Variants in OCA2 observed in about 807,000 individuals in gnomAD.
The protein encoded by OCA2 is OCA2 melanosomal transmembrane protein, also known as P protein.
OCA2 carries 77 observed loss-of-function variants against 100.2 expected under a neutral mutation model. The ratio of observed to expected loss-of-function variants is 0.77; its 90% CI spans 0.64 to 0.93. The LOEUF is 0.93. OCA2 is among the 40% of genes least tolerant of loss of function. OCA2 has a pLI of 0.00. For missense variants in OCA2, 1,062 were observed against 1,089.1 expected (o/e 0.98, Z 0.35); for synonymous variants, 432 against 439.2 (o/e 0.98, Z 0.21).
chr15:27,842,822 A>ACACG (rs141673842), intron 23 of OCA2, among the ~76,000 whole-genome samples: 2 of 152,178 alleles, frequency 1.3e-5, no homozygotes, highest in African/African-American at 4.8e-5. Context: ...GTAACTGCAC[A>ACACG]CACGCACACA....
chr15:27,787,332 T>C (rs2032860839), intron 23 of OCA2, among the ~76,000 whole-genome samples: 1 of 152,142 alleles, frequency 6.6e-6, no homozygotes. Context: ...TATATTTTTC[T>C]AAATTTCAAT....
chr15:27,760,391 C>T (rs2030738835), intron 23 of OCA2, among the ~76,000 whole-genome samples: 1 of 151,362 alleles, frequency 6.6e-6, no homozygotes, highest in Non-Finnish European at 1.5e-5. Flanking sequence ...TTTAAGTTCC[C>T]ATCTTAAGGA....
chr15:28,083,325 C>G (rs972528410), intron 1 of OCA2, among the ~76,000 whole-genome samples: 1 of 152,194 alleles, frequency 6.6e-6, no homozygotes, highest in Non-Finnish European at 1.5e-5. Flanking sequence ...ACATGACATT[C>G]GAAGAAACCT....
chr15:27,770,982 T>TC (rs201069391), intron 23 of OCA2, among the ~76,000 whole-genome samples: 15 of 56,998 alleles, frequency 2.6e-4, no homozygotes, highest in Non-Finnish European at 6.2e-4. Flanking sequence ...TTCCTTTCCT[T>TC]CTTTCTTCCT....
intron 2 of OCA2, among the ~76,000 whole-genome samples, chr15:28,055,389 G>A (rs1242381608): frequency 6.6e-6 from 1 of 152,174 alleles, no homozygotes; most frequent in Non-Finnish European, 1.5e-5. Flanking sequence ...AAGTTGTAAA[G>A]CAATTGCACT....
intron 18 of OCA2, among the ~76,000 whole-genome samples, chr15:27,950,769 T>C (rs145611368): frequency 3.0e-4 from 46 of 152,308 alleles, no homozygotes; most frequent in African/African-American, 1.1e-3. Flanking sequence ...GAAGCAATGA[T>C]GTGGTGCGAA....
chr15:27,900,351 CCT>C (rs1415097426), intron 19 of OCA2, among the ~76,000 whole-genome samples: 7 of 152,144 alleles, frequency 4.6e-5, no homozygotes, highest in Non-Finnish European at 8.8e-5. Context: ...TCTCCCACCT[CCT>C]TATAAATAAT....
At position 27,983,414 on chromosome 15, in the gene OCA2, T is replaced by C; in HGVS notation, c.1434A>G (p.Gly478=). The change falls in exon 14 of 24, where the codon GGA becomes GGG. Residue 478 remains glycine, a synonymous_variant. Coordinates refer to ENST00000354638, the MANE Select transcript of OCA2 (RefSeq NM_000275.3). ...LIAEVIFTNI[G]GAATAIGDPP... Reference sequence around the variant, plus strand: ...GGTCCCCGATGGCAGTGGCAGCTCCTCCAATGTTTGTGAAGATCACTTCTG... The same window carrying C: ...GGTCCCCGATGGCAGTGGCAGCTCCCCCAATGTTTGTGAAGATCACTTCTG... The C allele has an allele frequency of 1.2e-6, 2 of 1,614,196 alleles. No individual in the cohort carries two copies. The highest frequency in any genetic ancestry group is 1.3e-5 in the African/African-American group (1 of 75,060).
At chr15:27,886,593 A>G (rs76901004) in intron 19 of OCA2, among the ~76,000 whole-genome samples, 2,369 of 152,334 alleles carry the variant, frequency 0.016, 55 homozygotes, top group African/African-American at 0.05. Context: ...ACATCAGCAC[A>G]TGGGAAGAGG....
intron 19 of OCA2, among the ~76,000 whole-genome samples, chr15:27,923,855 T>A (rs1427073209): frequency 6.6e-6 from 1 of 152,208 alleles, no homozygotes; most frequent in East Asian, 1.9e-4. Flanking sequence ...GCAGAAGCTC[T>A]TTAGTTTAAT....
chr15:27,841,383 A>G lies in OCA2; in HGVS notation c.2432+3576T>C, dbSNP rs908982152. Among the ~76,000 whole-genome samples the G allele has an allele frequency of 2.0e-5, 3 of 152,306 alleles. No homozygotes were observed. The East Asian group carries it at 5.8e-4, about 29-fold the overall frequency. The stretch of plus-strand genomic sequence containing the variant: ...ACTCTTCTGTGCCTTGACTGCATCA[A>G]TGGCAGCATCCTGGCTATGATCTTC... On this transcript the variant is annotated intron_variant, in intron 23 of 23. Coordinates refer to ENST00000354638, the MANE Select transcript of OCA2 (RefSeq NM_000275.3).
rs148624623 is a variant in OCA2 at position 27,775,178 on chromosome 15, A to G, written c.2433-19706T>C. ...GCCACGTGAACCAGGAAGCTGGCCC[A>G]CACAGTAGGGTTAGCTCCGCCCCCT... On this transcript the variant is annotated intron_variant, in intron 23 of 23. Transcript: ENST00000354638. Among the ~76,000 whole-genome samples, 769 of 152,204 alleles carry G rather than the reference A, an allele frequency of 5.1e-3. 8 individuals are homozygous for G. Among genetic ancestry groups the G allele is most frequent in the African/African-American group, 0.018 (732 of 41,532 alleles).
chr15:27,778,235 G>T (rs1043671028), intron 23 of OCA2, among the ~76,000 whole-genome samples: 1 of 152,148 alleles, frequency 6.6e-6, no homozygotes, highest in Non-Finnish European at 1.5e-5. Flanking sequence ...AAGTCTAGTG[G>T]GCATTTTAAA....
intron 21 of OCA2, among the ~76,000 whole-genome samples, chr15:27,855,326 T>C (rs1031275773): frequency 6.6e-6 from 1 of 152,222 alleles, no homozygotes; most frequent in African/African-American, 2.4e-5. Flanking sequence ...CTCCACACCC[T>C]TCAATCTGAG....
the OCA2 span, among the ~76,000 whole-genome samples, chr15:27,728,434 T>C: frequency 6.6e-6 from 1 of 152,202 alleles, no homozygotes; most frequent in East Asian, 1.9e-4. Context: ...CTGAGTCGTT[T>C]TATCAGCCTG....
At chr15:27,867,051 C>G (rs1204140752) in intron 21 of OCA2, among the ~76,000 whole-genome samples, 3 of 152,252 alleles carry the variant, frequency 2.0e-5, no homozygotes, top group Non-Finnish European at 2.9e-5. Context: ...AGCCGCCCCC[C>G]ATTCCCAGTG....
At chr15:27,743,042 C>G in the OCA2 span, among the ~76,000 whole-genome samples, 1 of 152,226 alleles carries the variant, frequency 6.6e-6, no homozygotes, top group Non-Finnish European at 1.5e-5. Context: ...AGACATTCCG[C>G]AAGGCTCCAT....
intron 2 of OCA2, among the ~76,000 whole-genome samples, chr15:28,071,262 T>A (rs1232463305): frequency 6.7e-6 from 1 of 150,298 alleles, no homozygotes; most frequent in East Asian, 1.9e-4. Flanking sequence ...CTGAAAGAAA[T>A]CAGAGGTGAC....
chr15:27,972,878 A>AT (rs1371933501), intron 14 of OCA2, among the ~76,000 whole-genome samples: 2 of 36,540 alleles, frequency 5.5e-5, no homozygotes. Flanking sequence ...ATTTTATTTT[A>AT]TTTTTGTGAC....
Sources: gnomAD v4.1 joint callset for allele counts (sites outside exome capture counted in the v4.1 genomes callset) on GRCh38, gnomAD v4.1.1 for gene constraint, MANE v1.5 for transcripts, NCBI Gene and HGNC (gene_info 2026-07-23, HGNC 2026-07-21) for gene names.